CDH13: variants seen among roughly 807,000 people sequenced by gnomAD.
CDH13 encodes cadherin 13.
CDH13 carries 24 observed loss-of-function variants against 63.8 expected under a neutral mutation model. The observed-to-expected ratio is 0.38, with a 90% CI of 0.27 to 0.53. The LOEUF is 0.53. CDH13 is among the 20% of genes least tolerant of loss of function. CDH13 has a pLI of 0.85. For missense variants in CDH13, 1,049 were observed against 903.1 expected, an observed-to-expected ratio of 1.16 and a Z score of -2.07; for synonymous variants, 503 against 355.3, an observed-to-expected ratio of 1.42 and a Z score of -4.67.
Position 82,668,069 on chromosome 16 carries a change from C to T in CDH13, c.45+40932C>T, listed in dbSNP as rs1043984877. On this transcript the variant is annotated intron_variant, in intron 1 of 13. Coordinates refer to ENST00000567109, the MANE Select transcript of CDH13 (RefSeq NM_001257.5). ...ATCTGTGTGCCTGATGTCATGAATA[C>T]CAAGTAGATGATGTAGGATGGCTAT... Among the ~76,000 whole-genome samples the T allele has an allele frequency of 2.6e-5, 4 of 152,062 alleles. No homozygotes were observed. The South Asian group carries it at 8.3e-4, about 32-fold the overall frequency.
chr16:82,812,562 G>A (rs910465199), intron 1 of CDH13, among the ~76,000 whole-genome samples: 1 of 152,096 alleles, frequency 6.6e-6, no homozygotes, highest in Non-Finnish European at 1.5e-5. Flanking sequence ...GAAACTCAAA[G>A]TCGCAAGAGA....
At chr16:83,635,326 T>C (rs1911155449) in intron 8 of CDH13, among the ~76,000 whole-genome samples, 1 of 138,448 alleles carries the variant, frequency 7.2e-6, no homozygotes, top group Admixed American at 8.0e-5. Context: ...TTTGCCCATT[T>C]TCTTTCTTTT....
chr16:83,293,326 C>T (rs1388462618), intron 5 of CDH13, among the ~76,000 whole-genome samples: 1 of 152,140 alleles, frequency 6.6e-6, no homozygotes, highest in Non-Finnish European at 1.5e-5. Context: ...GACATGTAAC[C>T]TTCCCCATGC....
At chr16:82,714,468 C>T (rs1221044230) in intron 1 of CDH13, among the ~76,000 whole-genome samples, 1 of 152,064 alleles carries the variant, frequency 6.6e-6, no homozygotes, top group East Asian at 1.9e-4. Context: ...AATCTCAGCA[C>T]TTTGAGAGGC....
intron 6 of CDH13, among the ~76,000 whole-genome samples, chr16:83,433,816 T>C (rs972321222): frequency 1.3e-5 from 2 of 152,244 alleles, no homozygotes; most frequent in Non-Finnish European, 2.9e-5. Context: ...TAAATGCCTT[T>C]ATTACATGGC....
At chr16:83,720,049 G>T (rs1263524862) in intron 10 of CDH13, among the ~76,000 whole-genome samples, 1 of 152,208 alleles carries the variant, frequency 6.6e-6, no homozygotes, top group African/African-American at 2.4e-5. Flanking sequence ...TTCCTGGCGG[G>T]TTGGTGAAGA....
chr16:83,648,085 G>A (rs1177782809), intron 8 of CDH13, among the ~76,000 whole-genome samples: 1 of 152,118 alleles, frequency 6.6e-6, no homozygotes, highest in South Asian at 2.1e-4. Flanking sequence ...CTCAAGGTGT[G>A]TTTGAATTTG....
rs189155724 is a variant in CDH13, at chr16:83,736,311, G to A, written c.1539-11797G>A. 1.4e-3 allele frequency among the ~76,000 whole-genome samples: 208 copies of A among 152,312 alleles called. 1 individual carries two copies. Among genetic ancestry groups the A allele is most frequent in the Admixed American group, 4.8e-3 (74 of 15,304 alleles). ...ATTTCTGGATTTCAGAAATCGGATA[G>A]CTTCTGAAGTCTCAGCCTGTTAATA... On this transcript the variant is annotated intron_variant, in intron 10 of 13. Coordinates refer to ENST00000567109, the MANE Select transcript of CDH13 (RefSeq NM_001257.5).
rs1258537079 is a variant in CDH13, at chr16:82,778,146, G to A, written c.46-80216G>A. On this transcript the variant is annotated intron_variant, in intron 1 of 13. Coordinates refer to ENST00000567109, the MANE Select transcript of CDH13 (RefSeq NM_001257.5). ...AGCCACTGCCTACTACAAGAACCGT[G>A]ATTATTTTAACGCAAAATGATGGGT... is the stretch of plus-strand genomic sequence containing the variant. Among the ~76,000 whole-genome samples, 4 of 152,302 alleles carry A rather than the reference G, an allele frequency of 2.6e-5. No homozygotes were observed. In the East Asian group the frequency reaches 7.7e-4, roughly 29 times the overall value.
chr16:83,192,134 G>A (rs1351887157), intron 4 of CDH13, among the ~76,000 whole-genome samples: 1 of 152,136 alleles, frequency 6.6e-6, no homozygotes, highest in Non-Finnish European at 1.5e-5. Context: ...TCACACTCAA[G>A]CCTCAAGCAA....
intron 2 of CDH13, among the ~76,000 whole-genome samples, chr16:83,028,076 C>A (rs1304471551): frequency 6.6e-6 from 1 of 152,144 alleles, no homozygotes; most frequent in East Asian, 1.9e-4. Context: ...TTTCCTCTAC[C>A]CCATTCACTC....
chr16:83,176,812 T>C (rs2038144292), intron 4 of CDH13, among the ~76,000 whole-genome samples: 1 of 152,128 alleles, frequency 6.6e-6, no homozygotes, highest in South Asian at 2.1e-4. Context: ...TCCAAAGTTG[T>C]CTGAGTGCCG....
rs61075767 is a variant in CDH13, at chr16:83,734,727, T to TATAATAATAATAATAATAATA, written c.1539-13373_1539-13353dup. ...TGCACATGTACCTTAAAACTTAAAG[T>TATAATAATAATAATAATAATA]ATAATAATAATAATAATAATAATAA... On this transcript the variant is annotated intron_variant, in intron 10 of 13. Coordinates refer to ENST00000567109, the MANE Select transcript of CDH13 (RefSeq NM_001257.5). Among the ~76,000 whole-genome samples the TATAATAATAATAATAATAATA allele has an allele frequency of 2.9e-3, 409 of 141,854 alleles. 2 individuals are homozygous for TATAATAATAATAATAATAATA. Among genetic ancestry groups the TATAATAATAATAATAATAATA allele is most frequent in the South Asian group, 0.011 (48 of 4,272 alleles). The allele number at this position is 141,854 out of a possible 152,430, so 93.1% of individuals were successfully genotyped here.
chr16:83,031,191 A>G (rs572514814), intron 2 of CDH13, among the ~76,000 whole-genome samples: 225 of 145,764 alleles, frequency 1.5e-3, no homozygotes, highest in African/African-American at 5.4e-3. Context: ...TGTATACACC[A>G]TATACATGCG....
intron 5 of CDH13, among the ~76,000 whole-genome samples, chr16:83,263,547 C>T (rs190466584): frequency 1.7e-3 from 252 of 152,200 alleles, no homozygotes; most frequent in Non-Finnish European, 2.8e-3. Flanking sequence ...CCCTAGCCAC[C>T]GCCCACTGAA....
At chr16:83,420,577 G>C (rs746756006) in intron 6 of CDH13, among the ~76,000 whole-genome samples, 1 of 152,130 alleles carries the variant, frequency 6.6e-6, no homozygotes, top group Non-Finnish European at 1.5e-5. Context: ...ATTACCAGTG[G>C]TACCATTATC....
intron 4 of CDH13, among the ~76,000 whole-genome samples, chr16:83,194,403 C>T (rs910097215): frequency 6.6e-6 from 1 of 152,198 alleles, no homozygotes; most frequent in African/African-American, 2.4e-5. Flanking sequence ...TTTCCTGTCT[C>T]CCCATGGAAT....
At chr16:82,687,485 T>C (rs186069132) in intron 1 of CDH13, among the ~76,000 whole-genome samples, 1 of 152,238 alleles carries the variant, frequency 6.6e-6, no homozygotes, top group Admixed American at 6.5e-5. Context: ...CTCACAATCA[T>C]GGCAGAAGGT....
intron 5 of CDH13, among the ~76,000 whole-genome samples, chr16:83,314,216 A>G (rs1310513485): frequency 6.6e-6 from 1 of 152,138 alleles, no homozygotes; most frequent in Non-Finnish European, 1.5e-5. Context: ...GACAATCTAT[A>G]ATATCTTCTC....
Sources: gnomAD v4.1 joint callset for allele counts (sites outside exome capture counted in the v4.1 genomes callset) on GRCh38, gnomAD v4.1.1 for gene constraint, MANE v1.5 for transcripts, NCBI Gene and HGNC (gene_info 2026-07-23, HGNC 2026-07-21) for gene names.